HERC2: variants seen among roughly 807,000 people sequenced by gnomAD.
HERC2 encodes HECT and RLD domain containing E3 ubiquitin protein ligase 2.
In HERC2, 102 loss-of-function variants were observed where a neutral mutation model predicts 537.7. The ratio of observed to expected loss-of-function variants is 0.19; its 90% CI spans 0.16 to 0.22. The LOEUF (loss-of-function observed/expected upper bound fraction) is 0.22, where lower values mean the gene tolerates loss of function less well. HERC2 is among the 10% of genes least tolerant of loss of function. HERC2 has a pLI of 1.00. For missense variants in HERC2, 4,236 were observed against 6,198.2 expected, an observed-to-expected ratio of 0.68 and a Z score of 10.63; for synonymous variants, 2,224 against 2,466.2, an observed-to-expected ratio of 0.90 and a Z score of 2.91.
intron 48 of HERC2, among the ~76,000 whole-genome samples, chr15:28,201,036 C>A (rs1052743158): frequency 6.3e-4 from 93 of 147,868 alleles, no homozygotes; most frequent in Non-Finnish European, 1.1e-3. Context: ...GCCATCCCTG[C>A]GCCATGTCCA....
At chr15:28,209,859 T>G (rs923692421) in intron 44 of HERC2, among the ~76,000 whole-genome samples, 1 of 150,774 alleles carries the variant, frequency 6.6e-6, no homozygotes, top group Non-Finnish European at 1.5e-5. Context: ...AACATAAGAA[T>G]AGGTATTTTG....
chr15:28,230,303 G>A (rs1164787419), intron 31 of HERC2, 64 bp downstream of exon 31: 2 of 1,512,100 alleles, frequency 1.3e-6, no homozygotes, highest in African/African-American at 1.4e-5. Flanking sequence ...ACAAGACTGT[G>A]GATTCCTGTG....
chr15:28,310,670 C>T (rs947855911), intron 2 of HERC2, among the ~76,000 whole-genome samples: 2 of 152,048 alleles, frequency 1.3e-5, no homozygotes, highest in African/African-American at 2.4e-5. Flanking sequence ...ACTCACAGCT[C>T]CATGTGGGCC....
At chr15:28,123,136 T>C (rs1889107535) in intron 85 of HERC2, among the ~76,000 whole-genome samples, 1 of 152,182 alleles carries the variant, frequency 6.6e-6, no homozygotes, top group African/African-American at 2.4e-5. Context: ...GCCTGACCAC[T>C]TCCACCCTCA....
chr15:28,257,637 A>G (rs2140907023), intron 16 of HERC2, among the ~76,000 whole-genome samples: 1 of 152,312 alleles, frequency 6.6e-6, no homozygotes, highest in South Asian at 2.1e-4. Flanking sequence ...AACCTTTCAC[A>G]GTGAAATAAC....
At chr15:28,314,641 G>A (rs1383802966) in intron 2 of HERC2, among the ~76,000 whole-genome samples, 3 of 152,086 alleles carry the variant, frequency 2.0e-5, no homozygotes, top group South Asian at 2.1e-4. Context: ...CGGATCATGA[G>A]GTCAGGAGTT....
Position 28,265,097 on chromosome 15 carries a change from G to T in HERC2, c.1870+521C>A, listed in dbSNP as rs1178061688. ...ACGCCAGAGACACACAAGATGCCAA[G>T]GACAGACCACCACAATACTGAAAGA... On this transcript the variant is annotated intron_variant, in intron 14 of 92. Coordinates refer to ENST00000261609, the MANE Select transcript of HERC2 (RefSeq NM_004667.6). This position sits in a 1 kb window ranked among gnomAD's most constrained non-coding sequence, Gnocchi z 4.0. Among the ~76,000 whole-genome samples the T allele has an allele frequency of 6.6e-6, 1 of 152,080 alleles. No homozygotes were observed. The highest frequency in any genetic ancestry group is 1.9e-4 in the East Asian group (1 of 5,174).
In HERC2 at chr15:28,214,191, A is replaced by C; in HGVS notation, c.6440T>G (p.Val2147Gly). ...THSSTLAEEV[V>G]ALLRTLHSLT... ...GGAGTGCAGCGTGCGCAGCAGTGCC[A>C]CCACCTCCTCCGCCAGTGTGCTGCT... Residue 2147 changes from valine (V) to glycine (G), a missense_variant, in exon 41 of 93, where the codon GTG becomes GGG. By Grantham distance (109) the Val-to-Gly change is moderately radical. Transcript: ENST00000261609. 1 of 1,612,602 alleles carries C rather than the reference A, an allele frequency of 6.2e-7. No individual in the cohort carries two copies. Among genetic ancestry groups the C allele is most frequent in the Non-Finnish European group, 8.5e-7 (1 of 1,179,924 alleles).
intron 75 of HERC2, 57 bp from the exon 76 acceptor site, chr15:28,142,450 A>T (rs1165678245): frequency 6.4e-7 from 1 of 1,555,734 alleles, no homozygotes; most frequent in African/African-American, 1.4e-5. Flanking sequence ...TGAACAGGCC[A>T]AGGTTTCTGT....
chr15:28,114,643 C>T lies in HERC2; in HGVS notation c.13882G>A (p.Ala4628Thr), dbSNP rs200741102. The change falls in exon 90 of 93, where the codon GCG (alanine) becomes ACG (threonine). Residue 4628 changes from alanine to threonine, a missense_variant. Ala to Thr is a moderately conservative substitution (Grantham distance 58). Transcript: ENST00000261609. ...TTTATCGCCAGCCGCACGTACTCCG[C>T]GCGGTTGTCCAGGGTGATGTGTGTG... ...KHTHITLDNR[A>T]EYVRLAINYR... The T allele has an allele frequency of 9.4e-5, 152 of 1,614,010 alleles. No individual in the cohort carries two copies. The South Asian group carries it at 1.1e-3, about 12-fold the overall frequency.
chr15:28,251,940 T>C (rs1320294105), intron 20 of HERC2, among the ~76,000 whole-genome samples: 1 of 152,184 alleles, frequency 6.6e-6, no homozygotes, highest in African/African-American at 2.4e-5. Context: ...TCAAAAACCA[T>C]CAGGGTAGCT....
At chr15:28,129,002 T>C (rs1566922878) in intron 83 of HERC2, among the ~76,000 whole-genome samples, 1 of 152,206 alleles carries the variant, frequency 6.6e-6, no homozygotes, top group Non-Finnish European at 1.5e-5. Context: ...CTCTTCTGCC[T>C]CCTTTTCTGA....
intron 20 of HERC2, among the ~76,000 whole-genome samples, chr15:28,251,845 G>A (rs1272712636): frequency 1.3e-5 from 2 of 152,110 alleles, no homozygotes; most frequent in Non-Finnish European, 2.9e-5. Flanking sequence ...TATCCCAACA[G>A]ATTGAAAATA....
chr15:28,144,373 G>A (rs1484661855), intron 72 of HERC2, 138 bp from the exon 73 acceptor site: 4 of 855,570 alleles, frequency 4.7e-6, no homozygotes, highest in Non-Finnish European at 7.2e-6. Flanking sequence ...GCATGCCACT[G>A]CGAGTCGGTG....
At chr15:28,292,486 A>G (rs1302364770) in intron 4 of HERC2, among the ~76,000 whole-genome samples, 1 of 152,190 alleles carries the variant, frequency 6.6e-6, no homozygotes, top group Non-Finnish European at 1.5e-5. Flanking sequence ...AAAACAATGT[A>G]GCCACTGTGG....
intron 37 of HERC2, among the ~76,000 whole-genome samples, chr15:28,219,904 A>G (rs572400602): frequency 1.3e-5 from 2 of 152,224 alleles, no homozygotes; most frequent in Non-Finnish European, 2.9e-5. Flanking sequence ...GATAGGATCT[A>G]GCTTTCTTGG....
chr15:28,252,653 T>C (rs1261536919), intron 20 of HERC2, among the ~76,000 whole-genome samples: 1 of 152,218 alleles, frequency 6.6e-6, no homozygotes, highest in South Asian at 2.1e-4. Context: ...GAGAACAAAT[T>C]CCAAGCTCTT....
rs757955258 is a variant in HERC2 at position 28,215,824 on chromosome 15, T to C, written c.6029-22A>G. The C allele has an allele frequency of 6.2e-6, 9 of 1,459,032 alleles. No homozygotes were observed. In the East Asian group the frequency reaches 6.8e-5, roughly 11 times the overall value. The allele number at this position is 1,459,032 out of a possible 1,614,324, so 90.4% of individuals were successfully genotyped here. On this transcript the variant is annotated intron_variant, in intron 38 of 92. Transcript: ENST00000261609. ...GAAGCTGCAGGAGGGAAAATAGACATGCTTGGTAACAAGTCCCTAAAGACA... is the reference window on the plus strand; with the variant it reads ...GAAGCTGCAGGAGGGAAAATAGACACGCTTGGTAACAAGTCCCTAAAGACA...
rs772213400 is a variant in HERC2, at chr15:28,233,718, C to T, written c.4297G>A (p.Val1433Met). 16 of 1,613,578 alleles carry T rather than the reference C, an allele frequency of 9.9e-6. No individual in the cohort carries two copies. The highest frequency in any genetic ancestry group is 3.3e-5 in the South Asian group (3 of 91,080). Residue 1433 changes from valine to methionine, a missense_variant, in exon 28 of 93, where the codon GTG becomes ATG. Physicochemically the swap from Val to Met is conservative, Grantham distance 21 (BLOSUM62 1). This residue lies in a region of HERC2 where 94 missense variants were observed against 174.9 expected (regional missense o/e 0.54). Transcript: ENST00000261609. ...TPIMFPPEHP[V>M]EEVGRLLLCC... The stretch of plus-strand genomic sequence containing the variant: ...AACAACAAGCGACCGACCTCTTCCA[C>T]GGGATGCTCGGGGGGAAACATGATC...
Sources: gnomAD v4.1 joint callset for allele counts (sites outside exome capture counted in the v4.1 genomes callset) on GRCh38, gnomAD v4.1.1 for gene constraint, gnomAD v4.1.1 regional missense constraint, Gnocchi (gnomAD v3.1) non-coding constraint, MANE v1.5 for transcripts, NCBI Gene and HGNC (gene_info 2026-07-23, HGNC 2026-07-21) for gene names.